The following CHRNA7 variants were observed in gnomAD, a reference collection of about 807,000 sequenced individuals.
CHRNA7 encodes the protein cholinergic receptor nicotinic alpha 7 subunit, also known as neuronal acetylcholine receptor subunit alpha-7.
Under a neutral mutation model 48.0 loss-of-function variants are expected in CHRNA7, and 17 were observed. The ratio of observed to expected loss-of-function variants is 0.35; its 90% CI spans 0.24 to 0.53. CHRNA7 has a LOEUF of 0.53. Ranked by LOEUF, CHRNA7 falls within the 20% of genes least tolerant of loss-of-function variation. The probability of loss-of-function intolerance (pLI) is 0.92; values close to 1 mark genes in which losing one functional copy is unlikely to be tolerated. For missense variants in CHRNA7, 155 were observed against 577.7 expected (o/e 0.27, Z 7.50); for synonymous variants, 75 against 242.3 (o/e 0.31, Z 6.41).
chr15:32,112,112 C>A, intron 4 of CHRNA7: 1 of 628,722 alleles, frequency 1.6e-6, no homozygotes, highest in Non-Finnish European at 2.9e-6. Flanking sequence ...CGTGCACACG[C>A]TGGCTAGCCT....
chr15:32,114,081 T>C (rs12899066), intron 4 of CHRNA7, among the ~76,000 whole-genome samples: 11 of 125,116 alleles, frequency 8.8e-5, no homozygotes, highest in African/African-American at 1.5e-4. Context: ...TATATACACA[T>C]ACATACATAC....
chr15:32,121,220 G>A (rs2050963885), intron 4 of CHRNA7, among the ~76,000 whole-genome samples: 1 of 152,200 alleles, frequency 6.6e-6, no homozygotes, highest in Admixed American at 6.5e-5. Context: ...ATGGTCGGTG[G>A]AGCTGATGCT....
chr15:32,064,672 A>G (rs2049936452), intron 2 of CHRNA7, among the ~76,000 whole-genome samples: 1 of 152,020 alleles, frequency 6.6e-6, no homozygotes, highest in African/African-American at 2.4e-5. Flanking sequence ...TCCCAGAGAA[A>G]ATTTTTCTAG....
At chr15:32,141,461 A>C (rs531019041) in intron 4 of CHRNA7, among the ~76,000 whole-genome samples, 1 of 152,186 alleles carries the variant, frequency 6.6e-6, no homozygotes, top group Non-Finnish European at 1.5e-5. Flanking sequence ...CTGTGAAGAA[A>C]GTCATTGGTA....
At chr15:32,144,299 G>A (rs1364762706) in intron 4 of CHRNA7, among the ~76,000 whole-genome samples, 12 of 152,210 alleles carry the variant, frequency 7.9e-5, no homozygotes, top group Admixed American at 7.9e-4. Flanking sequence ...AGTCTGATGG[G>A]CTTCCCTTTG....
intron 2 of CHRNA7, among the ~76,000 whole-genome samples, chr15:32,038,030 ATGT>A (rs1174427748): frequency 6.9e-6 from 1 of 144,050 alleles, no homozygotes; most frequent in Non-Finnish European, 1.5e-5. Flanking sequence ...ATTAGGTATG[ATGT>A]TAGCTATAGG....
chr15:32,075,373 C>G (rs2050121239), intron 2 of CHRNA7, among the ~76,000 whole-genome samples: 1 of 152,122 alleles, frequency 6.6e-6, no homozygotes, highest in African/African-American at 2.4e-5. Flanking sequence ...ATTTCAGCAT[C>G]TTTAATGTTA....
At chr15:32,101,811 C>T (rs1395818389) in intron 3 of CHRNA7, 3 of 154,318 alleles carry the variant, frequency 1.9e-5, no homozygotes, top group South Asian at 4.1e-4. Context: ...TGCTACCTAT[C>T]ATTTGTAGAT....
At chr15:32,076,038 C>T (rs1287692550) in intron 2 of CHRNA7, among the ~76,000 whole-genome samples, 1 of 151,888 alleles carries the variant, frequency 6.6e-6, no homozygotes, top group Non-Finnish European at 1.5e-5. Flanking sequence ...CCAAATTATA[C>T]TTTGTGTTAT....
intron 4 of CHRNA7, among the ~76,000 whole-genome samples, chr15:32,124,203 A>G (rs1442756707): frequency 6.6e-6 from 1 of 152,196 alleles, no homozygotes; most frequent in Non-Finnish European, 1.5e-5. Context: ...TCGAAAAACC[A>G]TGTCTGCCAA....
At chr15:32,063,172 C>T (rs958177908) in intron 2 of CHRNA7, among the ~76,000 whole-genome samples, 14 of 151,930 alleles carry the variant, frequency 9.2e-5, no homozygotes, top group Non-Finnish European at 2.9e-5. Context: ...AATGTGACGG[C>T]CTGGGACATT....
chr15:32,049,405 CTTCT>C (rs1250626303), intron 2 of CHRNA7, among the ~76,000 whole-genome samples: 2 of 152,008 alleles, frequency 1.3e-5, no homozygotes, highest in Non-Finnish European at 2.9e-5. Flanking sequence ...ATGTAATGGC[CTTCT>C]TTGTCTCTTT....
At chr15:32,112,103 G>T (rs894125176) in intron 4 of CHRNA7, 2 of 634,190 alleles carry the variant, frequency 3.2e-6, no homozygotes, top group South Asian at 3.5e-5. Context: ...GCATGCACAC[G>T]TGCACACGCT....
In CHRNA7 at chr15:32,150,617, C is replaced by T. The variant is rs921558632; in HGVS notation, c.351-3290C>T. ...ACATAAATTAACACAACGGTAGTCT[C>T]TAAGAGTTAAAATTTTGTTAATAGT... On this transcript the variant is annotated intron_variant, in intron 4 of 9. Coordinates refer to ENST00000306901, the MANE Select transcript of CHRNA7 (RefSeq NM_000746.6). Among the ~76,000 whole-genome samples the T allele has an allele frequency of 2.6e-5, 4 of 152,136 alleles. No individual in the cohort carries two copies. The East Asian group carries it at 7.7e-4, about 29-fold the overall frequency.
chr15:32,127,047 A>C (rs931890125), intron 4 of CHRNA7, among the ~76,000 whole-genome samples: 7 of 152,210 alleles, frequency 4.6e-5, no homozygotes. Context: ...ATACCCTTAT[A>C]GCCACATCCC....
chr15:32,065,124 G>A (rs1050388753), intron 2 of CHRNA7, among the ~76,000 whole-genome samples: 1 of 152,202 alleles, frequency 6.6e-6, no homozygotes, highest in East Asian at 1.9e-4. Context: ...AATCTGGGGA[G>A]CATTTATTTT....
At chr15:32,049,735 C>G (rs992090261) in intron 2 of CHRNA7, among the ~76,000 whole-genome samples, 1 of 152,126 alleles carries the variant, frequency 6.6e-6, no homozygotes, top group African/African-American at 2.4e-5. Context: ...CAGTTTCTTC[C>G]TAGTCTCCAT....
At chr15:32,055,722 G>A (rs1197480912) in intron 2 of CHRNA7, among the ~76,000 whole-genome samples, 1 of 152,200 alleles carries the variant, frequency 6.6e-6, no homozygotes, top group African/African-American at 2.4e-5. Context: ...GCTCATGCCT[G>A]TAATCCCAGC....
At chr15:32,115,481 T>C (rs990131773) in intron 4 of CHRNA7, among the ~76,000 whole-genome samples, 2 of 152,054 alleles carry the variant, frequency 1.3e-5, no homozygotes, top group African/African-American at 4.8e-5. Flanking sequence ...AGGTATGTGC[T>C]GACCAGCCTA....
Sources: gnomAD v4.1 joint callset for allele counts (sites outside exome capture counted in the v4.1 genomes callset) on GRCh38, gnomAD v4.1.1 for gene constraint, MANE v1.5 for transcripts, NCBI Gene and HGNC (gene_info 2026-07-23, HGNC 2026-07-21) for gene names.